The following DPH6 variants were observed in gnomAD, a reference collection of about 807,000 sequenced individuals.
DPH6 encodes diphthamine biosynthesis 6.
In DPH6, 33 loss-of-function variants were observed where a neutral mutation model predicts 38.2. That is an observed-to-expected ratio of 0.86 (90% CI 0.65 to 1.15). The LOEUF is 1.15. Ranked by LOEUF, DPH6 falls within the 50% of genes most tolerant of loss-of-function variation. DPH6 has a pLI of 0.00. For missense variants in DPH6, 325 were observed against 320.0 expected (o/e 1.02, Z -0.12); for synonymous variants, 108 against 103.0 (o/e 1.05, Z -0.30).
chr15:35,305,674 G>C (rs2052084675), intron 3 of DPH6, among the ~76,000 whole-genome samples: 1 of 151,962 alleles, frequency 6.6e-6, no homozygotes, highest in Non-Finnish European at 1.5e-5. Flanking sequence ...ATCTCACATA[G>C]ACAGAATTCT....
At chr15:35,195,302 T>C in the DPH6 span, among the ~76,000 whole-genome samples, 1 of 152,230 alleles carries the variant, frequency 6.6e-6, no homozygotes, top group African/African-American at 2.4e-5. Context: ...ACATTTTCTT[T>C]ATTCATTCAT....
In DPH6 at chr15:35,343,216, A is replaced by G. The variant is rs369950010; in HGVS notation, n.208-12139T>C. 8.5e-5 allele frequency among the ~76,000 whole-genome samples: 13 copies of G among 152,310 alleles called. No homozygotes were observed. The South Asian group carries it at 1.7e-3, about 19-fold the overall frequency. On this transcript the variant is annotated intron_variant and non_coding_transcript_variant, in intron 3 of 3. Coordinates refer to the DPH6 transcript ENST00000558973. ...ATAATACATTGCCAAGGCAAAACTC[A>G]TATCTTATCTGTATTTGTGCCTTAA...
intron 6 of DPH6, among the ~76,000 whole-genome samples, chr15:35,402,499 ACTATTAATAAAC>A: frequency 6.6e-6 from 1 of 152,308 alleles, no homozygotes; most frequent in South Asian, 2.1e-4. Flanking sequence ...CAATTAGAAT[ACTATTAATAAAC>A]AAGGAAGCTG....
rs1192260122 is a variant in DPH6, at chr15:35,373,621, A to C, written c.663-13T>G. ...TTCTGATGAATCCCTGAAATACAAA[A>C]ATTTTACAATACATTTATATGCTAC... On this transcript the variant is annotated splice_polypyrimidine_tract_variant and intron_variant, in intron 7 of 8. Coordinates refer to ENST00000256538, the MANE Select transcript of DPH6 (RefSeq NM_080650.4). The C allele has an allele frequency of 2.5e-6, 4 of 1,598,506 alleles. No homozygotes were observed. The highest frequency in any genetic ancestry group is 1.3e-5 in the African/African-American group (1 of 74,188).
intron 3 of DPH6, among the ~76,000 whole-genome samples, chr15:35,274,790 G>T (rs946850057): frequency 6.6e-6 from 1 of 152,220 alleles, no homozygotes; most frequent in Non-Finnish European, 1.5e-5. Context: ...TTACACTGTT[G>T]GTGGGAGTGT....
At chr15:35,522,556 A>G (rs191268600) in intron 3 of DPH6, among the ~76,000 whole-genome samples, 9 of 152,182 alleles carry the variant, frequency 5.9e-5, no homozygotes, top group Admixed American at 5.2e-4. Flanking sequence ...TCAAGAACCA[A>G]CCCTGAAAGA....
intron 3 of DPH6, among the ~76,000 whole-genome samples, chr15:35,234,577 T>A (rs1260078877): frequency 6.6e-6 from 1 of 152,246 alleles, no homozygotes; most frequent in Non-Finnish European, 1.5e-5. Flanking sequence ...CTATTTAATA[T>A]TAACAACACC....
intron 3 of DPH6, among the ~76,000 whole-genome samples, chr15:35,467,072 A>T (rs567927866): frequency 6.6e-6 from 1 of 152,334 alleles, no homozygotes; most frequent in East Asian, 1.9e-4. Context: ...TCCTTAAATA[A>T]TAAATTAAAC....
At chr15:35,296,385 T>C (rs1161622633) in intron 3 of DPH6, among the ~76,000 whole-genome samples, 1 of 152,230 alleles carries the variant, frequency 6.6e-6, no homozygotes, top group African/African-American at 2.4e-5. Flanking sequence ...CTAGCTCCCT[T>C]CGTCTAAAAT....
chr15:35,304,677 G>GT (rs2052076127), intron 3 of DPH6, among the ~76,000 whole-genome samples: 1 of 151,808 alleles, frequency 6.6e-6, no homozygotes, highest in Non-Finnish European at 1.5e-5. Flanking sequence ...TGATGTTCCA[G>GT]TAAGAGTGCC....
chr15:35,327,703 C>T (rs2052296293), downstream of DPH6, among the ~76,000 whole-genome samples: 3 of 152,210 alleles, frequency 2.0e-5, no homozygotes. Context: ...ATCTTTGCTG[C>T]TCACTTGTTG....
intron 5 of DPH6, among the ~76,000 whole-genome samples, chr15:35,433,286 A>C (rs971427974): frequency 2.0e-5 from 3 of 152,244 alleles, no homozygotes; most frequent in South Asian, 4.1e-4. Flanking sequence ...TATACACACC[A>C]ACAAGTATAG....
chr15:35,392,202 A>G (rs1367736432), intron 6 of DPH6, among the ~76,000 whole-genome samples: 1 of 152,070 alleles, frequency 6.6e-6, no homozygotes. Context: ...ACATGAATCT[A>G]TTTTCTTTCT....
At chr15:35,269,158 G>A (rs1056535894) in intron 3 of DPH6, among the ~76,000 whole-genome samples, 32 of 152,148 alleles carry the variant, frequency 2.1e-4, no homozygotes, top group Admixed American at 1.6e-3. Flanking sequence ...TCATATGTTG[G>A]AAGACTATTA....
At chr15:35,421,494 T>G (rs1160729068) in intron 5 of DPH6, among the ~76,000 whole-genome samples, 1 of 152,218 alleles carries the variant, frequency 6.6e-6, no homozygotes, top group African/African-American at 2.4e-5. Flanking sequence ...TTTTGTACAT[T>G]AAAAATTACT....
chr15:35,315,129 C>T (rs1031929000), intron 3 of DPH6, among the ~76,000 whole-genome samples: 1 of 152,146 alleles, frequency 6.6e-6, no homozygotes, highest in African/African-American at 2.4e-5. Context: ...ACGACAACAC[C>T]TGACCTCATG....
intron 3 of DPH6, 85 bp from the exon 4 acceptor site, chr15:35,454,905 T>C (rs2053977870): frequency 9.8e-7 from 1 of 1,019,502 alleles, no homozygotes; most frequent in Admixed American, 2.5e-5. Flanking sequence ...AAATGAACTG[T>C]GTCTCATCTA....
intron 3 of DPH6, chr15:35,521,951 C>T: frequency 1.4e-6 from 2 of 1,414,452 alleles, no homozygotes; most frequent in Admixed American, 3.1e-5. Flanking sequence ...GAAGGTTTGC[C>T]AAATCTTGCC....
At chr15:35,360,907 A>T (rs1216100018) in intron 3 of DPH6, among the ~76,000 whole-genome samples, 2 of 152,184 alleles carry the variant, frequency 1.3e-5, no homozygotes, top group Non-Finnish European at 2.9e-5. Flanking sequence ...AGGAATGAAC[A>T]GGCATATCTC....
Sources: gnomAD v4.1 joint callset for allele counts (sites outside exome capture counted in the v4.1 genomes callset) on GRCh38, gnomAD v4.1.1 for gene constraint, MANE v1.5 for transcripts, NCBI Gene and HGNC (gene_info 2026-07-23, HGNC 2026-07-21) for gene names.